PPP2R5E: variants seen among roughly 807,000 people sequenced by gnomAD.
PPP2R5E encodes serine/threonine-protein phosphatase 2A 56 kDa regulatory subunit epsilon isoform.
In PPP2R5E, 4 loss-of-function variants were observed where a neutral mutation model predicts 65.3. The observed-to-expected ratio is 0.06, with a 90% CI of 0.03 to 0.14. PPP2R5E has a LOEUF of 0.14. PPP2R5E is among the 10% of genes least tolerant of loss of function. The probability of loss-of-function intolerance (pLI) is 1.00; values close to 1 mark genes in which losing one functional copy is unlikely to be tolerated. For synonymous variants in PPP2R5E, 183 were observed against 187.4 expected (o/e 0.98, Z 0.19); for missense variants, 274 against 556.1 (o/e 0.49, Z 5.10).
Position 63,372,046 on chromosome 14 carries a change from GA to G in PPP2R5E, c.*3962del, listed in dbSNP as rs1304902536. 2 of 150,462 alleles carry G rather than the reference GA, an allele frequency of 1.3e-5. No individual in the cohort carries two copies. The highest frequency in any genetic ancestry group is 4.9e-5 in the African/African-American group (2 of 40,868). The allele number at this position is 150,462 out of a possible 1,614,324, so 9.3% of individuals were successfully genotyped here. A position where few individuals can be genotyped will look rare whatever the true frequency, so the allele number is the denominator to read the frequency against. On this transcript the variant is annotated 3_prime_UTR_variant, in exon 14 of 14. Transcript: ENST00000337537. ...AGTGATTTCAAAAAAAGTAAAGAAA[GA>G]GGAAGGGAAGAGGGAAGGAGGAAAA...
rs528896366 is a variant in PPP2R5E, at chr14:63,540,341, G to A, written c.-7-649C>T. 4.0e-5 allele frequency among the ~76,000 whole-genome samples: 6 copies of A among 149,874 alleles called. No homozygotes were observed. The South Asian group carries it at 1.3e-3, about 32-fold the overall frequency. ...AGCTACTCAAGAGGCTGAGAAGGGA[G>A]AACCGCTTGAACCTGGGAGGCGGAG... On this transcript the variant is annotated intron_variant, in intron 1 of 13. Transcript: ENST00000337537.
At chr14:63,532,926 C>T (rs1393023761) in intron 2 of PPP2R5E, among the ~76,000 whole-genome samples, 1 of 152,214 alleles carries the variant, frequency 6.6e-6, no homozygotes, top group Non-Finnish European at 1.5e-5. Flanking sequence ...CGTCGATCTC[C>T]TGGGCTCGAA....
chr14:63,514,102 T>C (rs992202307), intron 2 of PPP2R5E, among the ~76,000 whole-genome samples: 4 of 152,228 alleles, frequency 2.6e-5, no homozygotes, highest in Admixed American at 2.6e-4. Flanking sequence ...GTTTGTTTTA[T>C]TGTCAAGACT....
intron 2 of PPP2R5E, among the ~76,000 whole-genome samples, chr14:63,467,691 G>A (rs947105654): frequency 1.3e-5 from 2 of 152,150 alleles, no homozygotes; most frequent in African/African-American, 2.4e-5. Flanking sequence ...AAATGAATTC[G>A]ATTTCTTTCA....
intron 11 of PPP2R5E, among the ~76,000 whole-genome samples, chr14:63,385,350 AG>A (rs1311922367): frequency 6.6e-6 from 1 of 152,150 alleles, no homozygotes; most frequent in African/African-American, 2.4e-5. Flanking sequence ...AAAAAAGTCC[AG>A]AGTGGTTCAA....
intron 2 of PPP2R5E, among the ~76,000 whole-genome samples, chr14:63,496,610 G>C (rs1891584420): frequency 6.6e-6 from 1 of 152,050 alleles, no homozygotes; most frequent in African/African-American, 2.4e-5. Context: ...GTTTTAATAA[G>C]TGTTTACAAA....
chr14:63,526,975 G>A (rs56383172), intron 2 of PPP2R5E, among the ~76,000 whole-genome samples: 1 of 152,188 alleles, frequency 6.6e-6, no homozygotes, highest in Non-Finnish European at 1.5e-5. Context: ...CTCAAGACCA[G>A]CCTGACCAAC....
At position 63,396,657 on chromosome 14, in the gene PPP2R5E, T is replaced by G; in HGVS notation, c.609A>C (p.Leu203Phe). Residue 203 changes from leucine (L) to phenylalanine (F), a missense_variant, in exon 6 of 14, where the codon TTA (leucine) becomes TTC (phenylalanine). Leu to Phe is a conservative substitution (Grantham distance 22). Transcript: ENST00000337537. Reference protein sequence around the residue: ...PRERDYLKTVLHRIYGKFLGL... With the variant: ...PRERDYLKTVFHRIYGKFLGL... ...CAAGAAACTTGCCATAAATTCTGTG[T>G]AAGACTGTTTTTAAGTAGTCCCGTT... 6.2e-7 allele frequency: 1 copy of G among 1,613,690 alleles called. No individual in the cohort carries two copies. Among genetic ancestry groups the G allele is most frequent in the Non-Finnish European group, 8.5e-7 (1 of 1,179,744 alleles).
Position 63,397,204 on chromosome 14 carries a change from G to C in PPP2R5E, c.550-488C>G, listed in dbSNP as rs1310340189. On this transcript the variant is annotated intron_variant, in intron 5 of 13. Transcript: ENST00000337537. ...TGCTACCTACTGATATTCCAAATAT[G>C]CAGTTAAAATAAGCTGACTGCCTGT... Among the ~76,000 whole-genome samples, 5 of 152,246 alleles carry C rather than the reference G, an allele frequency of 3.3e-5. No individual in the cohort carries two copies. In the East Asian group the frequency reaches 7.7e-4, roughly 24 times the overall value.
intron 2 of PPP2R5E, among the ~76,000 whole-genome samples, chr14:63,457,268 G>A (rs914691579): frequency 6.6e-6 from 1 of 152,140 alleles, no homozygotes; most frequent in African/African-American, 2.4e-5. Flanking sequence ...CACTATATAA[G>A]AAAAGTTTAG....
Position 63,384,525 on chromosome 14 carries a change from CTCATGATGTAT to C in PPP2R5E, c.1110_1120del (p.Tyr371PhefsTer7), listed in dbSNP as rs1884545381. 1 of 1,613,622 alleles carries C rather than the reference CTCATGATGTAT, an allele frequency of 6.2e-7. No individual in the cohort carries two copies. Among genetic ancestry groups the C allele is most frequent in the African/African-American group, 1.3e-5 (1 of 74,860 alleles). On this transcript the variant is annotated frameshift_variant, in exon 12 of 14. Coordinates refer to ENST00000337537, the MANE Select transcript of PPP2R5E (RefSeq NM_006246.5). LOFTEE classifies it high-confidence loss of function. ...GACGTTAGAGTTTTCTTCTATCAAACTCATGATGTATTCATTATTCCAATAATAGAGTGCTC... is the reference window on the plus strand; with the variant it reads ...GACGTTAGAGTTTTCTTCTATCAAACTCATTATTCCAATAATAGAGTGCTC...
At chr14:63,533,164 T>C (rs111910267) in intron 2 of PPP2R5E, among the ~76,000 whole-genome samples, 268 of 152,356 alleles carry the variant, frequency 1.8e-3, no homozygotes, top group African/African-American at 6.0e-3. Flanking sequence ...CTTATTCTAA[T>C]AGGTTTTAGC....
chr14:63,384,344 G>A (rs1360287845), intron 12 of PPP2R5E, 100 bp downstream of exon 12: 26 of 1,363,704 alleles, frequency 1.9e-5, no homozygotes, highest in East Asian at 2.3e-5. Flanking sequence ...TTTCACATAC[G>A]TCTTCAGCAA....
chr14:63,428,582 C>T (rs561699417), intron 3 of PPP2R5E, among the ~76,000 whole-genome samples: 19 of 152,212 alleles, frequency 1.2e-4, no homozygotes, highest in Admixed American at 1.2e-3. Context: ...TTTCAGGGCC[C>T]GGCTGCTCTA....
chr14:63,376,887 G>A (rs918679409), intron 13 of PPP2R5E, among the ~76,000 whole-genome samples: 1 of 152,104 alleles, frequency 6.6e-6, no homozygotes, highest in African/African-American at 2.4e-5. Context: ...GCAGACCCAG[G>A]CTGGGCGCAG....
At chr14:63,422,182 A>C (rs768575053) in intron 3 of PPP2R5E, 88 bp from the exon 4 acceptor site, 1 of 1,031,442 alleles carries the variant, frequency 9.7e-7, no homozygotes, top group Non-Finnish European at 1.5e-6. Flanking sequence ...AGGGGAACCC[A>C]GATAACAATG....
chr14:63,507,443 G>A (rs553069894), intron 2 of PPP2R5E, among the ~76,000 whole-genome samples: 54 of 151,254 alleles, frequency 3.6e-4, no homozygotes, highest in African/African-American at 1.2e-3. Flanking sequence ...CCCTTGGTAC[G>A]ATTAACTTTA....
intron 2 of PPP2R5E, among the ~76,000 whole-genome samples, chr14:63,520,075 G>C (rs141384329): frequency 6.7e-6 from 1 of 149,700 alleles, no homozygotes; most frequent in Non-Finnish European, 1.5e-5. Context: ...TCGCTCTGTC[G>C]CGCAGGCTGG....
chr14:63,378,839 C>T (rs1377174739), intron 13 of PPP2R5E, among the ~76,000 whole-genome samples: 1 of 152,192 alleles, frequency 6.6e-6, no homozygotes, highest in East Asian at 1.9e-4. Context: ...TTGATCTGAA[C>T]TGAAACCATT....
Sources: allele counts gnomAD v4.1 joint callset (sites outside exome capture counted in the v4.1 genomes callset), GRCh38; gene constraint gnomAD v4.1.1; transcripts MANE v1.5; gene names NCBI Gene and HGNC (gene_info 2026-07-23, HGNC 2026-07-21).